ZMAT4: variants seen among roughly 807,000 people sequenced by gnomAD.
The protein encoded by ZMAT4 is zinc finger matrin-type 4, also known as zinc finger matrin-type protein 4.
In ZMAT4, 17 loss-of-function variants were observed where a neutral mutation model predicts 28.7. The ratio of observed to expected loss-of-function variants is 0.59; its 90% CI spans 0.41 to 0.89. The LOEUF is 0.89. Among genes scored for constraint, ZMAT4 ranks in the 40% least tolerant of loss-of-function variants. The pLI is 0.00. For synonymous variants in ZMAT4, 117 were observed against 109.2 expected (o/e 1.07, Z -0.44); for missense variants, 240 against 283.8 (o/e 0.85, Z 1.11).
chr8:40,881,219 A>C (rs780228435), intron 1 of ZMAT4, among the ~76,000 whole-genome samples: 6 of 151,622 alleles, frequency 4.0e-5, no homozygotes, highest in Non-Finnish European at 8.8e-5. Flanking sequence ...CTCTACAAAA[A>C]TTTGTAGAAA....
chr8:40,865,655 T>C (rs1817650454), intron 1 of ZMAT4, among the ~76,000 whole-genome samples: 1 of 152,204 alleles, frequency 6.6e-6, no homozygotes, highest in South Asian at 2.1e-4. Flanking sequence ...CCTTTTATAT[T>C]CTACTGGCAC....
intron 6 of ZMAT4, among the ~76,000 whole-genome samples, chr8:40,573,519 TG>T: frequency 6.6e-6 from 1 of 152,302 alleles, no homozygotes; most frequent in Non-Finnish European, 1.5e-5. Context: ...TAAGGCTTAC[TG>T]TAGATTTCGG....
intron 5 of ZMAT4, among the ~76,000 whole-genome samples, chr8:40,601,507 A>AAG (rs766066833): frequency 2.4e-4 from 35 of 143,160 alleles, no homozygotes; most frequent in Non-Finnish European, 3.4e-4. Context: ...GAAAGAAAGA[A>AAG]AGAGAAAGAG....
intron 5 of ZMAT4, among the ~76,000 whole-genome samples, chr8:40,610,246 C>T (rs1009415331): frequency 6.6e-6 from 1 of 152,062 alleles, no homozygotes; most frequent in African/African-American, 2.4e-5. Flanking sequence ...GTAGAGACAC[C>T]CATCAATCAA....
At chr8:40,806,198 G>A (rs1468153364) in intron 2 of ZMAT4, among the ~76,000 whole-genome samples, 1 of 152,116 alleles carries the variant, frequency 6.6e-6, no homozygotes, top group Non-Finnish European at 1.5e-5. Flanking sequence ...GCAACTTTTT[G>A]CATGTGGGCA....
chr8:40,752,601 G>A (rs1812500397), intron 3 of ZMAT4, among the ~76,000 whole-genome samples: 1 of 152,214 alleles, frequency 6.6e-6, no homozygotes, highest in African/African-American at 2.4e-5. Flanking sequence ...GGACGGGACA[G>A]CAACGTTCCA....
intron 1 of ZMAT4, among the ~76,000 whole-genome samples, chr8:40,831,785 C>T (rs1816289074): frequency 6.6e-6 from 1 of 152,166 alleles, no homozygotes; most frequent in Middle Eastern, 3.2e-3. Flanking sequence ...GCAAGCTCTC[C>T]AGTATCGGGC....
At chr8:40,601,468 G>GAAAGAAAGAAAAAAGAAAGAAA in intron 5 of ZMAT4, among the ~76,000 whole-genome samples, 1 of 19,998 alleles carries the variant, frequency 5.0e-5, no homozygotes, top group African/African-American at 1.8e-4. Flanking sequence ...GAGGAAGAAA[G>GAAAGAAAGAAAAAAGAAAGAAA]GAAAGAAAGA....
At chr8:40,613,665 T>C (rs1321649452) in intron 5 of ZMAT4, among the ~76,000 whole-genome samples, 1 of 152,200 alleles carries the variant, frequency 6.6e-6, no homozygotes, top group African/African-American at 2.4e-5. Flanking sequence ...TGGATTTCCT[T>C]AGCTAGCCTG....
At chr8:40,625,534 T>C (rs1338394279) in intron 5 of ZMAT4, among the ~76,000 whole-genome samples, 1 of 151,926 alleles carries the variant, frequency 6.6e-6, no homozygotes, top group Non-Finnish European at 1.5e-5. Context: ...GAATACTGGG[T>C]TTATAGACTA....
chr8:40,642,256 T>TA (rs1185831763), intron 5 of ZMAT4, among the ~76,000 whole-genome samples: 3 of 152,142 alleles, frequency 2.0e-5, no homozygotes, highest in African/African-American at 7.2e-5. Context: ...TTAGAGGCCA[T>TA]AAAAAAATTC....
At chr8:40,633,400 G>A (rs1264337378) in intron 5 of ZMAT4, among the ~76,000 whole-genome samples, 4 of 152,210 alleles carry the variant, frequency 2.6e-5, no homozygotes, top group Non-Finnish European at 5.9e-5. Flanking sequence ...CGATGTGATG[G>A]CAGAGAGAGG....
At chr8:40,592,768 A>T (rs1804940464) in intron 5 of ZMAT4, among the ~76,000 whole-genome samples, 1 of 152,210 alleles carries the variant, frequency 6.6e-6, no homozygotes, top group Non-Finnish European at 1.5e-5. Flanking sequence ...GTTTATTGGA[A>T]GATGGTTTAG....
intron 6 of ZMAT4, among the ~76,000 whole-genome samples, chr8:40,543,489 A>G (rs1351484860): frequency 6.6e-6 from 1 of 152,134 alleles, no homozygotes; most frequent in African/African-American, 2.4e-5. Flanking sequence ...CCAAATAACG[A>G]TATCCTCCAA....
intron 3 of ZMAT4, among the ~76,000 whole-genome samples, chr8:40,723,293 AAC>A (rs1005492082): frequency 1.3e-5 from 2 of 152,184 alleles, no homozygotes; most frequent in African/African-American, 4.8e-5. Flanking sequence ...CTGTAATCCC[AAC>A]ACTTTGGGAG....
intron 3 of ZMAT4, among the ~76,000 whole-genome samples, chr8:40,741,962 G>T (rs34130892): frequency 6.6e-6 from 1 of 152,094 alleles, no homozygotes; most frequent in South Asian, 2.1e-4. Flanking sequence ...AGAATACCCA[G>T]GTATGATGGC....
intron 3 of ZMAT4, among the ~76,000 whole-genome samples, chr8:40,735,485 T>A (rs1811724511): frequency 6.6e-6 from 1 of 152,188 alleles, no homozygotes; most frequent in South Asian, 2.1e-4. Flanking sequence ...TTACTTAGAA[T>A]AGTCCATTTT....
At chr8:40,583,568 A>G (rs1562905) in intron 5 of ZMAT4, among the ~76,000 whole-genome samples, 149,620 of 152,258 alleles carry the variant, frequency 0.98, 73,582 homozygotes, top group Middle Eastern at 1. Flanking sequence ...TAAACCAAAA[A>G]GTATCTGAGA....
chr8:40,635,987 A>C (rs1806778213), intron 5 of ZMAT4, among the ~76,000 whole-genome samples: 4 of 152,212 alleles, frequency 2.6e-5, no homozygotes, highest in Admixed American at 2.6e-4. Flanking sequence ...GCAGTGGCTC[A>C]GATTCATTTC....
Sources: gnomAD v4.1 joint callset for allele counts (sites outside exome capture counted in the v4.1 genomes callset) on GRCh38, gnomAD v4.1.1 for gene constraint, MANE v1.5 for transcripts, NCBI Gene and HGNC (gene_info 2026-07-23, HGNC 2026-07-21) for gene names.